ESRRG: variants seen among roughly 807,000 people sequenced by gnomAD.
ESRRG encodes estrogen-related receptor gamma.
A neutral mutation model predicts 44.0 loss-of-function variants in ESRRG; 13 were observed. The observed-to-expected ratio is 0.30, with a 90% CI of 0.19 to 0.47. ESRRG has a LOEUF of 0.47. ESRRG is among the 20% of genes least tolerant of loss of function. The pLI is 1.00. For missense variants in ESRRG, 395 were observed against 580.6 expected, an observed-to-expected ratio of 0.68 and a Z score of 3.29; for synonymous variants, 215 against 214.6, an observed-to-expected ratio of 1.00 and a Z score of -0.02.
chr1:216,696,214 G>T (rs1575437759), intron 1 of ESRRG, among the ~76,000 whole-genome samples: 1 of 152,134 alleles, frequency 6.6e-6, no homozygotes, highest in African/African-American at 2.4e-5. Context: ...TACAGATGAG[G>T]AAAGAAAGCT....
rs974862729 is a variant in ESRRG at position 216,504,805 on chromosome 1, T to G, written c.*2134A>C. 2 of 152,654 alleles carry G rather than the reference T, an allele frequency of 1.3e-5. No individual in the cohort carries two copies. The highest frequency in any genetic ancestry group is 2.9e-5 in the Non-Finnish European group (2 of 68,030). 9.5% of individuals were successfully genotyped at this position (152,654 alleles called of 1,614,324 possible). On this transcript the variant is annotated 3_prime_UTR_variant, in exon 7 of 7. Coordinates refer to ENST00000408911, the MANE Select transcript of ESRRG (RefSeq NM_001438.4). Reference sequence around the variant, plus strand: ...GAAATTATTCCTTGTTTTGAAAATATTATTATGATTTTGATGTGTATCTGT... The same window carrying G: ...GAAATTATTCCTTGTTTTGAAAATAGTATTATGATTTTGATGTGTATCTGT...
intron 2 of ESRRG, among the ~76,000 whole-genome samples, chr1:216,915,238 T>C (rs532092604): frequency 5.5e-4 from 84 of 152,246 alleles, no homozygotes; most frequent in African/African-American, 2.0e-3. Context: ...GTGGGGCAAC[T>C]TGAAGAAGAC....
intron 3 of ESRRG, among the ~76,000 whole-genome samples, chr1:216,646,337 G>C (rs1470672672): frequency 6.6e-6 from 1 of 152,124 alleles, no homozygotes; most frequent in African/African-American, 2.4e-5. Context: ...CCTTGGGTTG[G>C]TCTAGCAAGT....
At chr1:217,061,843 AT>A (rs958290379) in intron 1 of ESRRG, among the ~76,000 whole-genome samples, 1 of 152,178 alleles carries the variant, frequency 6.6e-6, no homozygotes, top group African/African-American at 2.4e-5. Context: ...CAATTAAACA[AT>A]CCACTAATGA....
At chr1:217,017,492 A>T (rs1017371551) in intron 1 of ESRRG, among the ~76,000 whole-genome samples, 1 of 139,958 alleles carries the variant, frequency 7.1e-6, no homozygotes, top group Non-Finnish European at 1.6e-5. Flanking sequence ...AAAAAAAAAA[A>T]AAAAAAGGAG....
intron 5 of ESRRG, among the ~76,000 whole-genome samples, chr1:216,561,622 A>T (rs1016282348): frequency 6.6e-6 from 1 of 152,144 alleles, no homozygotes; most frequent in African/African-American, 2.4e-5. Flanking sequence ...CAACCTCCTG[A>T]ACCCAGGGTA....
intron 3 of ESRRG, among the ~76,000 whole-genome samples, chr1:216,623,341 T>G (rs972604696): frequency 1.3e-5 from 2 of 152,118 alleles, no homozygotes; most frequent in Admixed American, 1.3e-4. Flanking sequence ...AGAACAAATA[T>G]GATACATAGA....
intron 1 of ESRRG, among the ~76,000 whole-genome samples, chr1:217,017,859 AC>A (rs2079656077): frequency 6.6e-6 from 1 of 152,210 alleles, no homozygotes; most frequent in Non-Finnish European, 1.5e-5. Context: ...CGATTGCATA[AC>A]CCCTTAGCAG....
At chr1:217,103,664 ATAATTAAT>A (rs5780968) in intron 1 of ESRRG, among the ~76,000 whole-genome samples, 16 of 149,130 alleles carry the variant, frequency 1.1e-4, no homozygotes, top group African/African-American at 2.0e-4. Context: ...CCTCCAAAAA[ATAATTAAT>A]TAATTAATTA....
chr1:217,010,085 T>C (rs76679148), intron 1 of ESRRG, among the ~76,000 whole-genome samples: 3,937 of 152,194 alleles, frequency 0.026, 99 homozygotes, highest in East Asian at 0.073. Flanking sequence ...ACTTTTTTAT[T>C]GATGGAGTAC....
At position 216,825,713 on chromosome 1, in the gene ESRRG, T is replaced by C. The variant is rs74141665; in HGVS notation, c.-14+113869A>G. On this transcript the variant is annotated intron_variant, in intron 2 of 7. Transcript: ENST00000359162. ...GCCTTGGGCTATGAACCAGTTGAGATTGCTTATGCTCTACAAAGCATTCTA... is the reference window on the plus strand; with the variant it reads ...GCCTTGGGCTATGAACCAGTTGAGACTGCTTATGCTCTACAAAGCATTCTA... Among the ~76,000 whole-genome samples the C allele has an allele frequency of 1.9e-3, 283 of 152,296 alleles. 2 individuals carry two copies. Among genetic ancestry groups the C allele is most frequent in the African/African-American group, 6.2e-3 (259 of 41,566 alleles).
At chr1:217,088,726 A>T (rs190473433) in intron 1 of ESRRG, among the ~76,000 whole-genome samples, 1 of 151,610 alleles carries the variant, frequency 6.6e-6, no homozygotes, top group Non-Finnish European at 1.5e-5. Flanking sequence ...TGAAAGGGGG[A>T]GAGGGTGCAG....
At chr1:216,973,135 T>G (rs1560317524) in intron 1 of ESRRG, among the ~76,000 whole-genome samples, 1 of 152,140 alleles carries the variant, frequency 6.6e-6, no homozygotes, top group Non-Finnish European at 1.5e-5. Flanking sequence ...GTCTATTTTC[T>G]AAACAGCTGC....
rs745356258 is a variant in ESRRG, at chr1:216,826,202, A to AC, written c.-14+113379_-14+113380insG. On this transcript the variant is annotated intron_variant, in intron 2 of 7. Coordinates refer to the ESRRG transcript ENST00000359162. ...TTGTTTAAGGACAAAAAAAAAAAAA[A>AC]ACACACACACACACCCATAGGGACA... 6.8e-3 allele frequency among the ~76,000 whole-genome samples: 965 copies of AC among 142,152 alleles called. 12 individuals carry two copies. Among genetic ancestry groups the AC allele is most frequent in the East Asian group, 0.04 (200 of 4,962 alleles). 93.3% of individuals were successfully genotyped at this position (142,152 alleles called of 152,430 possible).
chr1:216,713,936 A>T (rs2084218241), intron 1 of ESRRG, among the ~76,000 whole-genome samples: 1 of 152,180 alleles, frequency 6.6e-6, no homozygotes. Flanking sequence ...TATGAACAGC[A>T]CAGTTAACTG....
intron 2 of ESRRG, among the ~76,000 whole-genome samples, chr1:216,768,892 G>A (rs141876042): frequency 2.3e-3 from 350 of 152,166 alleles, no homozygotes; most frequent in Non-Finnish European, 3.9e-3. Context: ...AAGAACAAGA[G>A]TCAGGAATTA....
At chr1:216,717,551 T>C (rs900203196) in intron 1 of ESRRG, among the ~76,000 whole-genome samples, 8 of 151,918 alleles carry the variant, frequency 5.3e-5, no homozygotes, top group African/African-American at 1.4e-4. Flanking sequence ...AGTAAATTTG[T>C]TAAAATGTTA....
chr1:216,611,515 T>A (rs943869180), intron 3 of ESRRG, among the ~76,000 whole-genome samples: 3 of 152,106 alleles, frequency 2.0e-5, no homozygotes, highest in Admixed American at 6.5e-5. Context: ...CATAGGAAAT[T>A]CAAATAAGCC....
chr1:216,918,652 C>A (rs750907027), intron 2 of ESRRG, among the ~76,000 whole-genome samples: 2 of 151,908 alleles, frequency 1.3e-5, no homozygotes, highest in African/African-American at 4.8e-5. Context: ...CTAATGGAAC[C>A]TTTCCATAAC....
Sources: allele counts gnomAD v4.1 joint callset (sites outside exome capture counted in the v4.1 genomes callset), GRCh38; gene constraint gnomAD v4.1.1; transcripts MANE v1.5; gene names NCBI Gene and HGNC (gene_info 2026-07-23, HGNC 2026-07-21).